LMLN: variants seen among roughly 807,000 people sequenced by gnomAD.
LMLN encodes leishmanolysin like peptidase.
Under a neutral mutation model 92.3 loss-of-function variants are expected in LMLN, and 70 were observed. The ratio of observed to expected loss-of-function variants is 0.76; its 90% confidence interval spans 0.63 to 0.92. The LOEUF (loss-of-function observed/expected upper bound fraction) is 0.92. LMLN is among the 40% of genes least tolerant of loss of function. LMLN has a pLI of 0.00. For missense variants in LMLN, 691 were observed against 814.6 expected, an observed-to-expected ratio of 0.85 and a Z score of 1.85; for synonymous variants, 308 against 296.2, an observed-to-expected ratio of 1.04 and a Z score of -0.41.
At chr3:198,032,586 A>G (rs1342781913) in intron 14 of LMLN, among the ~76,000 whole-genome samples, 1 of 152,194 alleles carries the variant, frequency 6.6e-6, no homozygotes, top group African/African-American at 2.4e-5. Context: ...GTGACGGCTC[A>G]GGAAGCTTAC....
chr3:197,966,776 G>A (rs571890865), intron 1 of LMLN, among the ~76,000 whole-genome samples: 2 of 152,128 alleles, frequency 1.3e-5, no homozygotes, highest in East Asian at 1.9e-4. Flanking sequence ...ATATTTTGTT[G>A]ATGATTTTAC....
At chr3:197,967,297 C>G (rs1457639040) in intron 1 of LMLN, among the ~76,000 whole-genome samples, 1 of 152,198 alleles carries the variant, frequency 6.6e-6, no homozygotes, top group African/African-American at 2.4e-5. Flanking sequence ...AAGTGTCAGC[C>G]AGCTGAGAAA....
At chr3:197,974,278 G>C (rs1377348783) in intron 1 of LMLN, 99 bp from the exon 2 acceptor site, 1 of 664,902 alleles carries the variant, frequency 1.5e-6, no homozygotes, top group African/African-American at 1.9e-5. Context: ...TTTTTCTCTG[G>C]GTATTACACT....
At chr3:198,007,494 T>C (rs1223015739) in intron 11 of LMLN, among the ~76,000 whole-genome samples, 1 of 151,830 alleles carries the variant, frequency 6.6e-6, no homozygotes, top group East Asian at 1.9e-4. Context: ...TGGGTGTATT[T>C]GTGGTGATCT....
chr3:197,960,345 C>G, exon 1 of LMLN: 1 of 1,613,974 alleles, frequency 6.2e-7, no homozygotes, highest in Non-Finnish European at 8.5e-7. Context: ...AAGCGTTTTA[C>G]TCCTGTTGGG....
Position 198,019,225 on chromosome 3 carries a change from A to G in LMLN, c.1233-28A>G, listed in dbSNP as rs1303722190. ...CTTGCAGTATTTTCTTTAAAGTTTGATACCATGGTACTTCTCTTTGTTTGC... is the reference window on the plus strand; with the variant it reads ...CTTGCAGTATTTTCTTTAAAGTTTGGTACCATGGTACTTCTCTTTGTTTGC... On this transcript the variant is annotated intron_variant, in intron 11 of 15. Transcript: ENST00000330198. The surrounding 1 kb of genome is among the most constrained non-coding windows in gnomAD (Gnocchi z 5.5). The G allele has an allele frequency of 1.9e-6, 3 of 1,588,664 alleles. No homozygotes were observed. Among genetic ancestry groups the G allele is most frequent in the African/African-American group, 1.4e-5 (1 of 73,674 alleles).
At chr3:198,021,515 G>GACT in exon 13 of LMLN, 1 of 1,614,090 alleles carries the variant, frequency 6.2e-7, no homozygotes, top group Non-Finnish European at 8.5e-7. Context: ...GGAAATTGCT[G>GACT]ACTACTGCCC....
intron 12 of LMLN, among the ~76,000 whole-genome samples, chr3:198,020,766 G>GTTTGTT (rs1260852398): frequency 7.0e-4 from 18 of 25,642 alleles, no homozygotes; most frequent in African/African-American, 3.1e-3. Flanking sequence ...GCTAATTTTT[G>GTTTGTT]TATTTTTTTT....
intron 11 of LMLN, among the ~76,000 whole-genome samples, chr3:198,000,755 A>G (rs999094244): frequency 2.0e-5 from 3 of 152,126 alleles, no homozygotes; most frequent in Admixed American, 1.3e-4. Context: ...TGAGACTTAA[A>G]TGAGTAAATA....
chr3:198,032,581 G>A (rs1449405120), intron 14 of LMLN, among the ~76,000 whole-genome samples: 6 of 152,174 alleles, frequency 3.9e-5, no homozygotes, highest in East Asian at 1.9e-4. Flanking sequence ...TTCTGGTGAC[G>A]GCTCAGGAAG....
At chr3:198,040,138 T>C (rs1723359090) in exon 16 of LMLN, 2 of 152,140 alleles carry the variant, frequency 1.3e-5, no homozygotes, top group South Asian at 4.1e-4. Context: ...CATCTGAAAA[T>C]GGTTTTATGT....
At chr3:198,002,459 T>C (rs887535247) in intron 11 of LMLN, among the ~76,000 whole-genome samples, 1 of 152,222 alleles carries the variant, frequency 6.6e-6, no homozygotes, top group African/African-American at 2.4e-5. Flanking sequence ...GGACATAGGC[T>C]GGGCACAGTG....
chr3:197,981,282 G>C (rs946150778), intron 6 of LMLN, among the ~76,000 whole-genome samples: 1 of 152,008 alleles, frequency 6.6e-6, no homozygotes, highest in Non-Finnish European at 1.5e-5. Context: ...TGAGGTGGGA[G>C]GATTGCTTAA....
exon 9 of LMLN, chr3:197,990,575 T>C: frequency 6.6e-7 from 1 of 1,505,700 alleles, no homozygotes; most frequent in Non-Finnish European, 9.2e-7. Flanking sequence ...ATTATATCAA[T>C]GGAGTGATAA....
chr3:197,960,280 C>G, exon 1 of LMLN: 4 of 1,613,612 alleles, frequency 2.5e-6, no homozygotes, highest in Non-Finnish European at 3.4e-6. Context: ...GTGGGTTACT[C>G]GGGCTCAGGC....
chr3:197,968,249 G>A (rs1456170588), intron 1 of LMLN, among the ~76,000 whole-genome samples: 4 of 151,958 alleles, frequency 2.6e-5, no homozygotes, highest in African/African-American at 4.8e-5. Flanking sequence ...GGCGGATCAC[G>A]AGGTCAGGAG....
intron 11 of LMLN, among the ~76,000 whole-genome samples, chr3:198,002,558 T>TG (rs1722203984): frequency 6.6e-6 from 1 of 152,176 alleles, no homozygotes; most frequent in Non-Finnish European, 1.5e-5. Flanking sequence ...GCAAACATAG[T>TG]GAAACCCCGT....
chr3:198,012,240 T>C (rs1722465793), intron 11 of LMLN, among the ~76,000 whole-genome samples: 1 of 152,116 alleles, frequency 6.6e-6, no homozygotes, highest in Non-Finnish European at 1.5e-5. Context: ...AATTTTTTTA[T>C]TTGTAGTAGA....
At chr3:198,001,853 A>G in intron 11 of LMLN, among the ~76,000 whole-genome samples, 1 of 152,118 alleles carries the variant, frequency 6.6e-6, no homozygotes, top group East Asian at 1.9e-4. Context: ...GGGTTTCGCC[A>G]CGTTGCCCAG....
Sources: gnomAD v4.1 joint callset for allele counts (sites outside exome capture counted in the v4.1 genomes callset) on GRCh38, gnomAD v4.1.1 for gene constraint, Gnocchi (gnomAD v3.1) non-coding constraint, MANE v1.5 for transcripts, NCBI Gene and HGNC (gene_info 2026-07-23, HGNC 2026-07-21) for gene names.